MIER2: variants seen among roughly 807,000 people sequenced by gnomAD.
MIER2 encodes the protein mesoderm induction early response protein 2.
Under a neutral mutation model 67.6 loss-of-function variants are expected in MIER2, and 30 were observed. That is an observed-to-expected ratio of 0.44 (90% CI 0.33 to 0.60). The LOEUF (loss-of-function observed/expected upper bound fraction) is 0.60. MIER2 is among the 20% of genes least tolerant of loss of function. The probability of loss-of-function intolerance (pLI) is 0.02; values close to 1 mark genes in which losing one functional copy is unlikely to be tolerated. For synonymous variants in MIER2, 372 were observed against 312.6 expected, an observed-to-expected ratio of 1.19 and a Z score of -2.00; for missense variants, 702 against 745.1, an observed-to-expected ratio of 0.94 and a Z score of 0.67.
intron 1 of MIER2, among the ~76,000 whole-genome samples, chr19:341,855 T>C (rs917568638): frequency 1.3e-5 from 2 of 152,144 alleles, no homozygotes; most frequent in African/African-American, 4.8e-5. Context: ...CTTCAGGCAG[T>C]AGAAGCGGCA....
At chr19:317,141 T>C (rs1971269259) in intron 7 of MIER2, among the ~76,000 whole-genome samples, 1 of 152,160 alleles carries the variant, frequency 6.6e-6, no homozygotes, top group South Asian at 2.1e-4. Flanking sequence ...ACGCCTGTAA[T>C]CCCAGCACTT....
chr19:320,103 A>G (rs955253454), intron 7 of MIER2, among the ~76,000 whole-genome samples: 2 of 152,168 alleles, frequency 1.3e-5, no homozygotes, highest in African/African-American at 4.8e-5. Context: ...GGCCGGGTGC[A>G]GTGGCTCATG....
intron 1 of MIER2, among the ~76,000 whole-genome samples, chr19:340,211 A>G (rs1350519122): frequency 6.6e-6 from 1 of 152,178 alleles, no homozygotes; most frequent in Non-Finnish European, 1.5e-5. Context: ...AGCTCAGGCC[A>G]GCGGCTTGCA....
At chr19:306,754 G>C (rs367661892) in intron 13 of MIER2, 43 bp from the exon 14 acceptor site, 17 of 1,552,686 alleles carry the variant, frequency 1.1e-5, no homozygotes, top group Non-Finnish European at 1.4e-5. Context: ...GTGTCAGTGC[G>C]GCCCCACGTG....
rs565830530 is a variant in MIER2, at chr19:306,408, C to T, written c.*282G>A. 4.0e-4 allele frequency: 234 copies of T among 579,464 alleles called. 2 individuals carry two copies. The highest frequency in any genetic ancestry group is 3.7e-3 in the African/African-American group (196 of 53,282). The allele number at this position is 579,464 out of a possible 1,614,324, so 35.9% of individuals were successfully genotyped here. ...GTCCCAACGGCGGGGTCTCTTCTGT[C>T]CCCGGCTGCCCGACGGATCCCACGT... On this transcript the variant is annotated 3_prime_UTR_variant, in exon 14 of 14. Transcript: ENST00000264819.
At chr19:325,346 A>G (rs1256355219) in intron 7 of MIER2, among the ~76,000 whole-genome samples, 2 of 152,108 alleles carry the variant, frequency 1.3e-5, no homozygotes, top group Non-Finnish European at 2.9e-5. Flanking sequence ...AGGCGGCTGG[A>G]GTCAAGGGCA....
intron 1 of MIER2, chr19:343,940 A>G: frequency 7.1e-6 from 7 of 985,464 alleles, no homozygotes; most frequent in Non-Finnish European, 8.4e-6. Flanking sequence ...CCTGACACGA[A>G]GCTATCTGTT....
chr19:326,030 C>T (rs374918053), intron 6 of MIER2, among the ~76,000 whole-genome samples: 17 of 152,354 alleles, frequency 1.1e-4, no homozygotes, highest in Middle Eastern at 6.8e-3. Flanking sequence ...ACCCTGGGGT[C>T]GAGCAGCACG....
chr19:321,506 G>A (rs767409453), intron 7 of MIER2, among the ~76,000 whole-genome samples: 7 of 152,058 alleles, frequency 4.6e-5, no homozygotes, highest in Non-Finnish European at 7.4e-5. Context: ...TGAGCCAGGC[G>A]TGGTGGCGGG....
In MIER2 at chr19:310,160, C is replaced by T. The variant is rs140812015; in HGVS notation, c.985-1235G>A. 7.9e-5 allele frequency among the ~76,000 whole-genome samples: 12 copies of T among 152,344 alleles called. No individual in the cohort carries two copies. In the East Asian group the frequency reaches 2.1e-3, roughly 27 times the overall value. ...TGGCAACACCTCCAACATCTCCACC[C>T]GGGAGGCTCATCCCACAGAGAGCTT... On this transcript the variant is annotated intron_variant, in intron 10 of 13. Transcript: ENST00000264819.
At chr19:310,555 A>G (rs1231960685) in intron 10 of MIER2, among the ~76,000 whole-genome samples, 1 of 150,530 alleles carries the variant, frequency 6.6e-6, no homozygotes, top group Admixed American at 6.7e-5. Flanking sequence ...CTGCAGAAAC[A>G]CGGCCCGGAG....
chr19:340,225 A>C (rs895347), intron 1 of MIER2, among the ~76,000 whole-genome samples: 118,961 of 151,954 alleles, frequency 0.78, 46,908 homozygotes, highest in African/African-American at 0.88. Flanking sequence ...GCTTGCAAAC[A>C]CCTTCCAGCC....
intron 7 of MIER2, among the ~76,000 whole-genome samples, chr19:315,210 C>T (rs977505495): frequency 4.6e-5 from 7 of 152,060 alleles, no homozygotes; most frequent in African/African-American, 1.4e-4. Flanking sequence ...ACTAAAAATA[C>T]AAAAATTAGC....
chr19:327,076 C>T, intron 5 of MIER2, 57 bp downstream of exon 5: 1 of 1,542,440 alleles, frequency 6.5e-7, no homozygotes, highest in Non-Finnish European at 8.7e-7. Context: ...CATCAAGCAT[C>T]ACGACTGCCT....
chr19:310,513 G>A lies in MIER2; in HGVS notation c.984+1332C>T, dbSNP rs886343650. On this transcript the variant is annotated intron_variant, in intron 10 of 13. Transcript: ENST00000264819. ...AAACACGGCCGGGAGTTACAAAAAC[G>A]CGGCCCTGAGCTATAGAAACACGGC... Among the ~76,000 whole-genome samples, 86 of 37,122 alleles carry A rather than the reference G, an allele frequency of 2.3e-3. No individual in the cohort carries two copies. The African/African-American group carries it at 0.032, about 14-fold the overall frequency. 24.4% of individuals were successfully genotyped at this position (37,122 alleles called of 152,430 possible).
At chr19:319,765 C>T (rs897699286) in intron 7 of MIER2, among the ~76,000 whole-genome samples, 4 of 152,146 alleles carry the variant, frequency 2.6e-5, no homozygotes, top group African/African-American at 9.7e-5. Context: ...CCTCTCACAT[C>T]TTAAAGAATA....
intron 10 of MIER2, among the ~76,000 whole-genome samples, chr19:309,306 T>G (rs1600108537): frequency 6.6e-6 from 1 of 152,184 alleles, no homozygotes; most frequent in East Asian, 1.9e-4. Context: ...ATCTGCCTGC[T>G]TCTCACAGGC....
chr19:315,834 A>G (rs1971214336), intron 7 of MIER2, among the ~76,000 whole-genome samples: 1 of 152,270 alleles, frequency 6.6e-6, no homozygotes. Context: ...ACCAACCCAC[A>G]GAGCCAGGAA....
chr19:321,994 T>A (rs981153463), intron 7 of MIER2, among the ~76,000 whole-genome samples: 28 of 152,254 alleles, frequency 1.8e-4, no homozygotes, highest in African/African-American at 6.0e-4. Flanking sequence ...AAGCTCCGCC[T>A]CCCGGGTTCA....
Sources: allele counts gnomAD v4.1 joint callset (sites outside exome capture counted in the v4.1 genomes callset), GRCh38; gene constraint gnomAD v4.1.1; transcripts MANE v1.5; gene names NCBI Gene and HGNC (gene_info 2026-07-23, HGNC 2026-07-21).